The following ATE1 variants were observed in gnomAD, a reference collection of about 807,000 sequenced individuals.
The protein encoded by ATE1 is arginyltransferase 1.
Under a neutral mutation model 70.5 loss-of-function variants are expected in ATE1, and 36 were observed. The ratio of observed to expected loss-of-function variants is 0.51; its 90% CI spans 0.39 to 0.67. The LOEUF is 0.67. ATE1 is among the 30% of genes least tolerant of loss of function. The probability of loss-of-function intolerance (pLI) is 0.00; values close to 1 mark genes in which losing one functional copy is unlikely to be tolerated. For missense variants in ATE1, 593 were observed against 629.5 expected (o/e 0.94, Z 0.62); for synonymous variants, 232 against 219.3 (o/e 1.06, Z -0.51).
At chr10:121,776,605 G>T (rs1945753989) in intron 11 of ATE1, among the ~76,000 whole-genome samples, 1 of 152,246 alleles carries the variant, frequency 6.6e-6, no homozygotes, top group Non-Finnish European at 1.5e-5. Context: ...TGAAATTCAT[G>T]TAATGGGTTG....
chr10:121,822,709 T>C (rs1188324277), intron 10 of ATE1, among the ~76,000 whole-genome samples: 1 of 152,178 alleles, frequency 6.6e-6, no homozygotes, highest in Non-Finnish European at 1.5e-5. Flanking sequence ...TTTTCATTTT[T>C]ATCCATGCAG....
At chr10:121,890,702 T>C (rs1950550466) in intron 7 of ATE1, among the ~76,000 whole-genome samples, 1 of 152,192 alleles carries the variant, frequency 6.6e-6, no homozygotes, top group African/African-American at 2.4e-5. Flanking sequence ...TAGACAACAG[T>C]ATTTTCTAAA....
intron 7 of ATE1, among the ~76,000 whole-genome samples, chr10:121,884,946 G>T (rs572405315): frequency 2.0e-5 from 3 of 152,170 alleles, no homozygotes; most frequent in Middle Eastern, 3.4e-3. Flanking sequence ...CTTTATTCAA[G>T]TAAGTTAGCC....
intron 7 of ATE1, among the ~76,000 whole-genome samples, chr10:121,895,200 T>A (rs1305408082): frequency 2.0e-5 from 3 of 152,236 alleles, no homozygotes; most frequent in African/African-American, 7.2e-5. Context: ...AACACATGAG[T>A]TACCACGTGA....
chr10:121,870,429 A>C (rs1949811185), intron 7 of ATE1, among the ~76,000 whole-genome samples: 1 of 152,218 alleles, frequency 6.6e-6, no homozygotes, highest in Non-Finnish European at 1.5e-5. Flanking sequence ...CCAAGAGAAG[A>C]AGATATAAAC....
chr10:121,783,418 T>C (rs1034247182), intron 11 of ATE1, among the ~76,000 whole-genome samples: 2 of 152,180 alleles, frequency 1.3e-5, no homozygotes, highest in African/African-American at 4.8e-5. Flanking sequence ...GGTATTATAG[T>C]GTACAGGCTG....
At chr10:121,911,856 C>T (rs1308174752) in intron 4 of ATE1, among the ~76,000 whole-genome samples, 1 of 152,158 alleles carries the variant, frequency 6.6e-6, no homozygotes, top group East Asian at 1.9e-4. Context: ...ACGCCATTCT[C>T]CTGCCTCAGC....
At chr10:121,767,926 T>C (rs2420955) in intron 11 of ATE1, among the ~76,000 whole-genome samples, 126,247 of 152,220 alleles carry the variant, frequency 0.83, 52,717 homozygotes, top group Non-Finnish European at 0.89. Flanking sequence ...TGTACACCCA[T>C]GGTCATAGCA....
chr10:121,841,308 A>G (rs1197056867), intron 8 of ATE1, 45 bp from the exon 9 acceptor site: 1 of 1,230,858 alleles, frequency 8.1e-7, no homozygotes, highest in African/African-American at 1.5e-5. Flanking sequence ...TTAATATTAA[A>G]ATAATCTTAT....
At chr10:121,858,733 C>T (rs1417429281) in intron 8 of ATE1, among the ~76,000 whole-genome samples, 2 of 146,440 alleles carry the variant, frequency 1.4e-5, no homozygotes, top group African/African-American at 2.5e-5. Context: ...AGAATGGCTA[C>T]ATCTTTGGGG....
At chr10:121,799,612 C>T (rs894025497) in intron 10 of ATE1, among the ~76,000 whole-genome samples, 3 of 152,200 alleles carry the variant, frequency 2.0e-5, no homozygotes, top group African/African-American at 4.8e-5. Flanking sequence ...TCTACAGTTT[C>T]AGGAAGCTTC....
intron 7 of ATE1, among the ~76,000 whole-genome samples, chr10:121,895,281 T>C (rs1054513912): frequency 2.6e-5 from 4 of 152,108 alleles, no homozygotes; most frequent in African/African-American, 9.7e-5. Context: ...ACGTGAAATG[T>C]TCATAATAGA....
chr10:121,859,270 T>TC (rs1949379934), intron 8 of ATE1, among the ~76,000 whole-genome samples: 1 of 151,194 alleles, frequency 6.6e-6, no homozygotes, highest in African/African-American at 2.4e-5. Context: ...ATTTTTTTTT[T>TC]TTTTGAGACG....
In ATE1 at chr10:121,913,837, A is replaced by G. The variant is rs751728733; in HGVS notation, c.290T>C (p.Met97Thr). ...CTCCCCTTTAGCTAGAAATTTCAACATTTTTTTCAAAACCTTCTTGTGAGA... is the reference window on the plus strand; with the variant it reads ...CTCCCCTTTAGCTAGAAATTTCAACGTTTTTTTCAAAACCTTCTTGTGAGA... ...SKSHKKVLKKMLKFLAKGEVP... is the reference protein window; with the variant it reads ...SKSHKKVLKKTLKFLAKGEVP... The change falls in exon 4 of 12, where the codon ATG becomes ACG. Residue 97 changes from methionine to threonine, a missense_variant. By Grantham distance (81) the Met-to-Thr change is moderately conservative (BLOSUM62 -1). Around this residue, in one of 3 missense-constraint regions of ATE1, gnomAD observed 467 missense variants for 469.6 expected, o/e 0.99. Coordinates refer to ENST00000224652, the MANE Select transcript of ATE1 (RefSeq NM_001001976.3). 5.6e-6 allele frequency: 9 copies of G among 1,612,628 alleles called. No homozygotes were observed. Among genetic ancestry groups the G allele is most frequent in the Non-Finnish European group, 6.8e-6 (8 of 1,178,976 alleles).
rs116458174 is a variant in ATE1, at chr10:121,758,457, C to T, written c.1379-14599G>A. On this transcript the variant is annotated intron_variant, in intron 11 of 11. Transcript: ENST00000224652. ...CTAAAAATACCTTTAAGTAGCAATA[C>T]CTCTGAAAATTTCCTGGAGCATAAA... 2.1e-3 allele frequency among the ~76,000 whole-genome samples: 327 copies of T among 152,128 alleles called. 1 individual carries two copies. The highest frequency in any genetic ancestry group is 6.8e-3 in the African/African-American group (281 of 41,398).
intron 7 of ATE1, among the ~76,000 whole-genome samples, chr10:121,894,510 A>G (rs10732824): frequency 0.91 from 138,016 of 152,216 alleles, 62,713 homozygotes; most frequent in Middle Eastern, 0.96. Context: ...ATAATTCACA[A>G]AATGAAAGAG....
intron 7 of ATE1, among the ~76,000 whole-genome samples, chr10:121,876,826 C>T (rs541978305): frequency 4.2e-4 from 64 of 151,998 alleles, no homozygotes; most frequent in African/African-American, 1.4e-3. Context: ...ATTAGCCGGG[C>T]GTGGTGGCGG....
Position 121,852,115 on chromosome 10 carries a change from T to A in ATE1, c.976-10852A>T, listed in dbSNP as rs879705306. On this transcript the variant is annotated intron_variant, in intron 8 of 11. Coordinates refer to ENST00000224652, the MANE Select transcript of ATE1 (RefSeq NM_001001976.3). Reference sequence around the variant, plus strand: ...AGACTGGAGAGTCATATGCCAGGCATCAGGCCAGTATTTGAGGGGATTTAC... The same window carrying A: ...AGACTGGAGAGTCATATGCCAGGCAACAGGCCAGTATTTGAGGGGATTTAC... Among the ~76,000 whole-genome samples the A allele has an allele frequency of 3.9e-5, 6 of 152,314 alleles. No homozygotes were observed. In the East Asian group the frequency reaches 1.2e-3, roughly 29 times the overall value.
At chr10:121,761,042 T>C (rs1344426410) in intron 11 of ATE1, among the ~76,000 whole-genome samples, 2 of 152,176 alleles carry the variant, frequency 1.3e-5, no homozygotes, top group African/African-American at 2.4e-5. Flanking sequence ...ATTCTATTAG[T>C]TCCCACAAGA....
Sources: gnomAD v4.1 joint callset for allele counts (sites outside exome capture counted in the v4.1 genomes callset) on GRCh38, gnomAD v4.1.1 for gene constraint, gnomAD v4.1.1 regional missense constraint, MANE v1.5 for transcripts, NCBI Gene and HGNC (gene_info 2026-07-23, HGNC 2026-07-21) for gene names.